The following BRD4 variants were observed in gnomAD, a reference collection of about 807,000 sequenced individuals.
BRD4 encodes bromodomain containing 4.
BRD4 carries 16 observed loss-of-function variants against 142.1 expected under a neutral mutation model. The observed-to-expected ratio is 0.11, with a 90% CI of 0.08 to 0.17. The LOEUF (loss-of-function observed/expected upper bound fraction) is 0.17, where lower values mean the gene tolerates loss of function less well. BRD4 is among the 10% of genes least tolerant of loss of function. The pLI is 1.00. For missense variants in BRD4, 1,424 were observed against 1,810.9 expected (o/e 0.79, Z 3.88); for synonymous variants, 833 against 707.5 (o/e 1.18, Z -2.82).
intron 1 of BRD4, among the ~76,000 whole-genome samples, chr19:15,301,138 G>A (rs376999768): frequency 1.8e-4 from 27 of 152,312 alleles, no homozygotes; most frequent in Non-Finnish European, 2.2e-4. Context: ...GTAGTCAGAT[G>A]ACTCTAATAA....
At chr19:15,315,119 A>C (rs1405144446) in intron 1 of BRD4, among the ~76,000 whole-genome samples, 8 of 151,896 alleles carry the variant, frequency 5.3e-5, no homozygotes, top group African/African-American at 1.9e-4. Context: ...CGTGGAGTTT[A>C]ACCACTTCTA....
intron 7 of BRD4, among the ~76,000 whole-genome samples, chr19:15,258,288 CT>C (rs1201960265): frequency 2.0e-5 from 3 of 151,330 alleles, no homozygotes; most frequent in African/African-American, 7.3e-5. Context: ...TGTTGATTCC[CT>C]CCCCTCCAGG....
At position 15,265,729 on chromosome 19, in the gene BRD4, G is replaced by C. The variant is rs566864519; in HGVS notation, c.560-86C>G. ...CTCGTGGGGACATACACCACACACAGTGAACGCACATTCGCGTGTTGCATT... is the reference window on the plus strand; with the variant it reads ...CTCGTGGGGACATACACCACACACACTGAACGCACATTCGCGTGTTGCATT... On this transcript the variant is annotated intron_variant, in intron 4 of 19. Coordinates refer to ENST00000679869, the MANE Select transcript of BRD4 (RefSeq NM_001379291.1). The C allele has an allele frequency of 1.4e-5, 20 of 1,394,882 alleles. No individual in the cohort carries two copies. The African/African-American group carries it at 2.3e-4, about 16-fold the overall frequency. 86.4% of individuals were successfully genotyped at this position (1,394,882 alleles called of 1,614,324 possible). A position where few individuals can be genotyped will look rare whatever the true frequency, so the allele number is the denominator to read the frequency against.
chr19:15,280,441 T>G, intron 1 of BRD4: 1 of 1,013,194 alleles, frequency 9.9e-7, no homozygotes, highest in Non-Finnish European at 1.2e-6. Flanking sequence ...AGCAGTAGTA[T>G]TCCAAAGAAT....
At chr19:15,281,168 G>A (rs552017528) in intron 1 of BRD4, among the ~76,000 whole-genome samples, 2 of 152,266 alleles carry the variant, frequency 1.3e-5, no homozygotes, top group Non-Finnish European at 2.9e-5. Context: ...GCCGTGCGCC[G>A]AGGCAGCTCT....
chr19:15,327,544 GA>G (rs1463628657), intron 1 of BRD4, among the ~76,000 whole-genome samples: 1 of 151,050 alleles, frequency 6.6e-6, no homozygotes, highest in Non-Finnish European at 1.5e-5. Context: ...ACTCCGTCTC[GA>G]AAAAGAAAAA....
Position 15,264,669 on chromosome 19 carries a change from G to A in BRD4, c.947C>T (p.Thr316Ile), listed in dbSNP as rs2047511608. The A allele has an allele frequency of 6.2e-7, 1 of 1,613,716 alleles. No individual in the cohort carries two copies. The highest frequency in any genetic ancestry group is 8.5e-7 in the Non-Finnish European group (1 of 1,180,028). Residue 316 changes from threonine (T) to isoleucine (I), a missense_variant, in exon 6 of 20, where the codon ACC (threonine) becomes ATC (isoleucine). This residue lies in a region of BRD4 where 86 missense variants were observed against 79.9 expected (regional missense o/e 1.08). Transcript: ENST00000679869. ...PPSLPPEPKTTKLGQRRESSR... is the reference protein window; with the variant it reads ...PPSLPPEPKTIKLGQRRESSR... ...GCTCTCCCGCCGCTGGCCCAGCTTGGTGGTCTTGGGCTCCGGGGGCAGCGA... is the reference window on the plus strand; with the variant it reads ...GCTCTCCCGCCGCTGGCCCAGCTTGATGGTCTTGGGCTCCGGGGGCAGCGA...
At chr19:15,273,169 G>C in intron 1 of BRD4, 36 bp from the exon 2 acceptor site, 6 of 1,510,438 alleles carry the variant, frequency 4.0e-6, no homozygotes, top group Non-Finnish European at 4.4e-6. Context: ...TGAGATATCA[G>C]TCAGCAGATG....
chr19:15,245,844 CAG>C (rs1440362679), intron 11 of BRD4, among the ~76,000 whole-genome samples: 1 of 152,230 alleles, frequency 6.6e-6, no homozygotes. Context: ...AGCTCCTTGT[CAG>C]GGTGCTGCCT....
intron 1 of BRD4, among the ~76,000 whole-genome samples, chr19:15,329,749 AAT>A (rs968907791): frequency 4.6e-5 from 7 of 152,168 alleles, no homozygotes; most frequent in Admixed American, 3.9e-4. Flanking sequence ...AAAAATAAAA[AAT>A]AAAAACAAAA....
chr19:15,263,597 T>C (rs141930648), intron 6 of BRD4, 49 bp from the exon 7 acceptor site: 22 of 1,603,718 alleles, frequency 1.4e-5, no homozygotes, highest in Middle Eastern at 1.7e-4. Context: ...CATGTGACCA[T>C]GGAGAAGTGG....
In BRD4 at chr19:15,238,223, A is replaced by T; in HGVS notation, c.*154T>A. On this transcript the variant is annotated 3_prime_UTR_variant, in exon 20 of 20. Coordinates refer to ENST00000679869, the MANE Select transcript of BRD4 (RefSeq NM_001379291.1). This position sits in a 1 kb window ranked among gnomAD's most constrained non-coding sequence, Gnocchi z 7.2. ...AAGGCAGACAGGCTCTGCAATCCTC[A>T]GCTGCCCGTCAGGCCTGCCCCGGGC... 2 of 1,249,562 alleles carry T rather than the reference A, an allele frequency of 1.6e-6. No homozygotes were observed. The highest frequency in any genetic ancestry group is 1.1e-6 in the Non-Finnish European group (1 of 910,694). The allele number at this position is 1,249,562 out of a possible 1,614,324, so 77.4% of individuals were successfully genotyped here.
chr19:15,318,454 G>T (rs921293491), intron 1 of BRD4, among the ~76,000 whole-genome samples: 2 of 152,204 alleles, frequency 1.3e-5, no homozygotes, highest in South Asian at 2.1e-4. Flanking sequence ...TGAGGAGAAA[G>T]AGAGTGGCAC....
intron 1 of BRD4, among the ~76,000 whole-genome samples, chr19:15,304,873 T>C (rs772849894): frequency 2.6e-5 from 4 of 152,020 alleles, no homozygotes; most frequent in Non-Finnish European, 4.4e-5. Context: ...AAAAAATCAT[T>C]TCCTGATGGA....
At chr19:15,323,750 A>G (rs1038472873) in intron 1 of BRD4, among the ~76,000 whole-genome samples, 6 of 151,938 alleles carry the variant, frequency 3.9e-5, no homozygotes, top group African/African-American at 1.2e-4. Flanking sequence ...AGGAACAAAT[A>G]AAGAGTTTCA....
chr19:15,272,612 G>A (rs2047600620), intron 2 of BRD4, among the ~76,000 whole-genome samples: 1 of 152,182 alleles, frequency 6.6e-6, no homozygotes. Context: ...TAAGAAACCA[G>A]TTATTGTTAA....
Position 15,244,163 on chromosome 19 carries a change from C to T in BRD4, c.2581+68G>A, listed in dbSNP as rs186741368. 7.0e-5 allele frequency: 108 copies of T among 1,534,280 alleles called. 1 individual carries two copies. The East Asian group carries it at 2.1e-3, about 30-fold the overall frequency. On this transcript the variant is annotated intron_variant, in intron 13 of 19. Coordinates refer to ENST00000679869, the MANE Select transcript of BRD4 (RefSeq NM_001379291.1). Reference sequence around the variant, plus strand: ...TAAGAAGCTGCCCAGCCAGAGTGCTCGGACACCACATGGGTAAACCGAGGC... The same window carrying T: ...TAAGAAGCTGCCCAGCCAGAGTGCTTGGACACCACATGGGTAAACCGAGGC...
chr19:15,245,001 C>T lies in BRD4; in HGVS notation c.2159-239G>A, dbSNP rs900357394. The T allele has an allele frequency of 1.8e-5, 13 of 708,208 alleles. No homozygotes were observed. In the African/African-American group the frequency reaches 2.1e-4, roughly 12 times the overall value. 43.9% of individuals were successfully genotyped at this position (708,208 alleles called of 1,614,324 possible). ...GCAGGGACTGTGCCTGAAAAAGCCT[C>T]CCCTGCCAAGCTTCAGATCACCACG... On this transcript the variant is annotated intron_variant, in intron 11 of 19. Transcript: ENST00000679869.
At chr19:15,260,786 A>C (rs1034928816) in intron 7 of BRD4, among the ~76,000 whole-genome samples, 5 of 147,086 alleles carry the variant, frequency 3.4e-5, no homozygotes, top group Non-Finnish European at 7.5e-5. Context: ...CCCTCTCAGA[A>C]GGAGAAAAAT....
Sources: allele counts gnomAD v4.1 joint callset (sites outside exome capture counted in the v4.1 genomes callset), GRCh38; gene constraint gnomAD v4.1.1; regional missense constraint gnomAD v4.1.1; non-coding constraint Gnocchi (gnomAD v3.1); transcripts MANE v1.5; gene names NCBI Gene and HGNC (gene_info 2026-07-23, HGNC 2026-07-21).